The following ZMAT4 variants were observed in gnomAD, a reference collection of about 807,000 sequenced individuals.
ZMAT4 encodes zinc finger matrin-type 4.
Under a neutral mutation model 28.7 loss-of-function variants are expected in ZMAT4, and 17 were observed. That is an observed-to-expected ratio of 0.59 (90% CI 0.41 to 0.89). The LOEUF (loss-of-function observed/expected upper bound fraction) is 0.89. Ranked by LOEUF, ZMAT4 falls within the 40% of genes least tolerant of loss-of-function variation. The pLI, the probability that ZMAT4 is intolerant of heterozygous loss-of-function variation, is 0.00. For synonymous variants in ZMAT4, 117 were observed against 109.2 expected (o/e 1.07, Z -0.44); for missense variants, 240 against 283.8 (o/e 0.85, Z 1.11).
intron 5 of ZMAT4, among the ~76,000 whole-genome samples, chr8:40,586,148 G>T (rs549670146): frequency 6.6e-6 from 1 of 152,118 alleles, no homozygotes; most frequent in Non-Finnish European, 1.5e-5. Context: ...CCTCCCCCAC[G>T]CATGACACAG....
At chr8:40,564,887 A>G (rs1258454974) in intron 6 of ZMAT4, among the ~76,000 whole-genome samples, 1 of 152,218 alleles carries the variant, frequency 6.6e-6, no homozygotes, top group Non-Finnish European at 1.5e-5. Context: ...CAAGGTTAAA[A>G]GAAAAATTAC....
In ZMAT4 at chr8:40,843,975, A is replaced by G. The variant is rs182416806; in HGVS notation, c.-4-18295T>C. 3.1e-3 allele frequency among the ~76,000 whole-genome samples: 471 copies of G among 152,328 alleles called. 3 individuals carry two copies. Among genetic ancestry groups the G allele is most frequent in the African/African-American group, 0.011 (461 of 41,584 alleles). On this transcript the variant is annotated intron_variant, in intron 1 of 6. Coordinates refer to ENST00000297737, the MANE Select transcript of ZMAT4 (RefSeq NM_024645.3). ...TATAGGCTATGTACACAGTGCACCT[A>G]GAAAACGGAGACTCACATAACTGGA...
At chr8:40,826,003 A>G (rs1412273464) in intron 1 of ZMAT4, among the ~76,000 whole-genome samples, 1 of 152,234 alleles carries the variant, frequency 6.6e-6, no homozygotes, top group African/African-American at 2.4e-5. Flanking sequence ...TCACGCCTGT[A>G]GTCCCAGTGT....
chr8:40,631,169 T>G (rs1295812080), intron 5 of ZMAT4, among the ~76,000 whole-genome samples: 3 of 139,140 alleles, frequency 2.2e-5, no homozygotes, highest in Non-Finnish European at 3.2e-5. Context: ...TACTTTATTT[T>G]TTTGTTTGTT....
intron 3 of ZMAT4, among the ~76,000 whole-genome samples, chr8:40,747,966 C>T (rs76905602): frequency 0.012 from 1,757 of 152,132 alleles, 33 homozygotes; most frequent in African/African-American, 0.04. Context: ...AAATTTTAAA[C>T]GACCAACATT....
At chr8:40,760,656 C>G (rs1011999080) in intron 3 of ZMAT4, among the ~76,000 whole-genome samples, 1 of 151,866 alleles carries the variant, frequency 6.6e-6, no homozygotes, top group South Asian at 2.1e-4. Context: ...TTTTCATGGT[C>G]GAGGCAACAT....
intron 6 of ZMAT4, among the ~76,000 whole-genome samples, chr8:40,541,786 C>G (rs1234436910): frequency 5.3e-5 from 8 of 152,200 alleles, no homozygotes; most frequent in African/African-American, 1.7e-4. Context: ...TAATTTGTGT[C>G]TCTCTCTCAA....
At chr8:40,726,166 C>T (rs1216989608) in intron 3 of ZMAT4, among the ~76,000 whole-genome samples, 1 of 152,224 alleles carries the variant, frequency 6.6e-6, no homozygotes, top group African/African-American at 2.4e-5. Context: ...GAACAGCATC[C>T]TTGCACAGAC....
At position 40,587,043 on chromosome 8, in the gene ZMAT4, A is replaced by G. The variant is rs137976751; in HGVS notation, c.578-5782T>C. On this transcript the variant is annotated intron_variant, in intron 5 of 6. Transcript: ENST00000297737. ...GGAGGGTAAAGAGCTATCCAGGGGT[A>G]GCAAGCAGCAAGCATAGAGGCCCAG... 7.0e-3 allele frequency among the ~76,000 whole-genome samples: 1,066 copies of G among 151,994 alleles called. 9 individuals carry two copies. The highest frequency in any genetic ancestry group is 0.016 in the Admixed American group (245 of 15,254).
chr8:40,685,274 A>G (rs1563410683), intron 4 of ZMAT4, among the ~76,000 whole-genome samples: 1 of 152,118 alleles, frequency 6.6e-6, no homozygotes. Flanking sequence ...ATGTAAAAGC[A>G]AGAAGGTACC....
chr8:40,755,183 T>G (rs1812628328), intron 3 of ZMAT4, among the ~76,000 whole-genome samples: 1 of 152,286 alleles, frequency 6.6e-6, no homozygotes, highest in Admixed American at 6.5e-5. Context: ...GGGTTTGAAA[T>G]GATGCTTCTC....
chr8:40,865,536 G>A (rs1395559101), intron 1 of ZMAT4, among the ~76,000 whole-genome samples: 1 of 152,152 alleles, frequency 6.6e-6, no homozygotes, highest in African/African-American at 2.4e-5. Flanking sequence ...TCAGAGGATG[G>A]ACAATGACCA....
At chr8:40,662,755 C>A (rs894306813) in intron 5 of ZMAT4, among the ~76,000 whole-genome samples, 42 of 152,152 alleles carry the variant, frequency 2.8e-4, no homozygotes, top group Non-Finnish European at 1.2e-4. Context: ...CATTACATTT[C>A]TGTTTTTCCT....
rs762559302 is a variant in ZMAT4 at position 40,601,492 on chromosome 8, AGAGAG to A, written c.578-20236_578-20232del. Among the ~76,000 whole-genome samples, 165 of 83,076 alleles carry A rather than the reference AGAGAG, an allele frequency of 2.0e-3. 1 individual carries two copies. The highest frequency in any genetic ancestry group is 3.1e-3 in the Non-Finnish European group (95 of 30,928). The allele number at this position is 83,076 out of a possible 152,430, so 54.5% of individuals were successfully genotyped here. On this transcript the variant is annotated intron_variant, in intron 5 of 6. Transcript: ENST00000297737. The stretch of plus-strand genomic sequence containing the variant: ...AGGAAAGAAAGAAAGAAAGAAAGAA[AGAGAG>A]AAAGAAAGAAAGAGAAAGAGAAAGA...
In ZMAT4 at chr8:40,686,327, C is replaced by T. The variant is rs150700442; in HGVS notation, c.349+10918G>A. 6.3e-3 allele frequency among the ~76,000 whole-genome samples: 963 copies of T among 152,096 alleles called. 7 individuals carry two copies. The highest frequency in any genetic ancestry group is 0.021 in the African/African-American group (862 of 41,486). On this transcript the variant is annotated intron_variant, in intron 4 of 6. Transcript: ENST00000297737. ...ACCAGGAGTTCAAGACCAGCCTGGA[C>T]AACATAGTGAGACTGCACCCCCAGC...
chr8:40,733,625 G>A (rs1427454279), intron 3 of ZMAT4, among the ~76,000 whole-genome samples: 1 of 152,140 alleles, frequency 6.6e-6, no homozygotes, highest in Non-Finnish European at 1.5e-5. Flanking sequence ...GAGAATCGCT[G>A]TTCTTGGTGG....
At chr8:40,549,543 A>G (rs1321793663) in intron 6 of ZMAT4, among the ~76,000 whole-genome samples, 77 of 152,276 alleles carry the variant, frequency 5.1e-4, no homozygotes, top group Non-Finnish European at 2.9e-5. Flanking sequence ...GCTCCTATCT[A>G]GTGTCCAAGC....
intron 6 of ZMAT4, among the ~76,000 whole-genome samples, chr8:40,549,745 GA>G (rs377448310): frequency 1.2e-4 from 18 of 150,270 alleles, no homozygotes; most frequent in African/African-American, 2.9e-4. Context: ...TTATTTGAAG[GA>G]AAAAAAAACT....
chr8:40,804,848 T>A (rs1277808136), intron 2 of ZMAT4, among the ~76,000 whole-genome samples: 1 of 151,346 alleles, frequency 6.6e-6, no homozygotes, highest in Admixed American at 6.6e-5. Context: ...CTTAAAAAAA[T>A]AATAATAATA....
Sources: gnomAD v4.1 joint callset for allele counts (sites outside exome capture counted in the v4.1 genomes callset) on GRCh38, gnomAD v4.1.1 for gene constraint, MANE v1.5 for transcripts, NCBI Gene and HGNC (gene_info 2026-07-23, HGNC 2026-07-21) for gene names.